Variants in CRACD observed in about 807,000 individuals in gnomAD.
CRACD encodes the protein capping protein-inhibiting regulator of actin dynamics.
In CRACD, 56 loss-of-function variants were observed where a neutral mutation model predicts 106.8. The ratio of observed to expected loss-of-function variants is 0.52; its 90% CI spans 0.42 to 0.66. The LOEUF (loss-of-function observed/expected upper bound fraction) is 0.66. Among genes scored for constraint, CRACD ranks in the 30% least tolerant of loss-of-function variants. The probability of loss-of-function intolerance (pLI) is 0.00; values close to 1 mark genes in which losing one functional copy is unlikely to be tolerated. For missense variants in CRACD, 1,730 were observed against 1,623.2 expected (o/e 1.07, Z -1.13); for synonymous variants, 754 against 670.8 (o/e 1.12, Z -1.92).
Position 56,316,660 on chromosome 4 carries a change from C to G in CRACD, c.3158C>G (p.Pro1053Arg), listed in dbSNP as rs1269348651. The change falls in exon 8 of 11, where the codon CCT (proline) becomes CGT (arginine). Residue 1053 changes from proline (P) to arginine (R), a missense_variant. Pro to Arg is a moderately radical substitution (Grantham distance 103). Around this residue, in one of 5 missense-constraint regions of CRACD, gnomAD observed 1,620 missense variants for 1,481.6 expected, o/e 1.09. Coordinates refer to ENST00000682029, the MANE Select transcript of CRACD (RefSeq NM_001393381.1). Reference sequence around the variant, plus strand: ...CTGCCTGCCACTCAGCAAGAGAAACCTTCTCAAACACCCGAGGCCGGGAGG... The same window carrying G: ...CTGCCTGCCACTCAGCAAGAGAAACGTTCTCAAACACCCGAGGCCGGGAGG... Reference protein sequence around the residue: ...PPLPATQQEKPSQTPEAGRKE... With the variant: ...PPLPATQQEKRSQTPEAGRKE... 1 of 1,608,096 alleles carries G rather than the reference C, an allele frequency of 6.2e-7. No homozygotes were observed. The highest frequency in any genetic ancestry group is 1.7e-5 in the Admixed American group (1 of 59,848).
At chr4:56,251,428 G>C (rs1250126564) in intron 2 of CRACD, among the ~76,000 whole-genome samples, 2 of 152,218 alleles carry the variant, frequency 1.3e-5, no homozygotes, top group African/African-American at 4.8e-5. Context: ...TGTCTGGTGT[G>C]TGCAGATTTT....
chr4:56,315,500 A>C lies in CRACD; in HGVS notation c.1998A>C (p.Ala666=). 1 of 1,613,588 alleles carries C rather than the reference A, an allele frequency of 6.2e-7. No homozygotes were observed. Among genetic ancestry groups the C allele is most frequent in the Non-Finnish European group, 8.5e-7 (1 of 1,179,892 alleles). Residue 666 remains alanine (A), a synonymous_variant, in exon 8 of 11, where the codon GCA becomes GCC. Coordinates refer to ENST00000682029, the MANE Select transcript of CRACD (RefSeq NM_001393381.1). The surrounding 1 kb of genome is among the most constrained non-coding windows in gnomAD (Gnocchi z 4.1). ...CTCCCAGCAGCGCGTCCGCACTCGC[A>C]GAATGGGCTTCCATTCGGTCCAGAA... ...QESPSSASAL[A]EWASIRSRIL...
chr4:56,165,506 C>G (rs193064707), intron 1 of CRACD, among the ~76,000 whole-genome samples: 4 of 152,300 alleles, frequency 2.6e-5, no homozygotes, highest in Admixed American at 1.3e-4. Context: ...CAGGGACACA[C>G]AGTTAGTATG....
chr4:56,052,785 AGCCT>A (rs200229982), intron 1 of CRACD, among the ~76,000 whole-genome samples: 3,567 of 152,292 alleles, frequency 0.023, 63 homozygotes, highest in Admixed American at 0.058. Context: ...CTGATCCCAA[AGCCT>A]GTCTGCCCTC....
At chr4:56,136,818 T>C (rs758941959) in intron 1 of CRACD, among the ~76,000 whole-genome samples, 16 of 152,242 alleles carry the variant, frequency 1.1e-4, no homozygotes, top group Non-Finnish European at 2.4e-4. Flanking sequence ...TATTAAGATA[T>C]ATTTGCCTAA....
At chr4:56,191,348 A>G (rs1369257933) in intron 2 of CRACD, among the ~76,000 whole-genome samples, 1 of 151,718 alleles carries the variant, frequency 6.6e-6, no homozygotes, top group Non-Finnish European at 1.5e-5. Context: ...CTTCAAAACC[A>G]GCTGCATAGC....
At chr4:56,180,403 C>T (rs560725380) in intron 2 of CRACD, among the ~76,000 whole-genome samples, 5 of 151,816 alleles carry the variant, frequency 3.3e-5, no homozygotes, top group Non-Finnish European at 5.9e-5. Context: ...GCAGGAGAAT[C>T]GCCTGAACCC....
chr4:56,144,451 G>A (rs903915667), intron 1 of CRACD, among the ~76,000 whole-genome samples: 2 of 152,138 alleles, frequency 1.3e-5, no homozygotes, highest in Non-Finnish European at 2.9e-5. Flanking sequence ...ACAGCGGTGA[G>A]AACGAGGATA....
intron 1 of CRACD, among the ~76,000 whole-genome samples, chr4:56,145,639 T>A (rs1201871408): frequency 6.6e-6 from 1 of 152,128 alleles, no homozygotes; most frequent in Non-Finnish European, 1.5e-5. Flanking sequence ...TGAAACAGGG[T>A]CTTACTTTGT....
intron 2 of CRACD, among the ~76,000 whole-genome samples, chr4:56,243,234 C>G (rs913289471): frequency 2.0e-5 from 3 of 152,200 alleles, no homozygotes; most frequent in East Asian, 1.9e-4. Context: ...TTCTCTCGCT[C>G]TCTTCAAGAG....
chr4:56,124,592 T>C (rs1734600848), intron 1 of CRACD, among the ~76,000 whole-genome samples: 1 of 152,248 alleles, frequency 6.6e-6, no homozygotes, highest in Non-Finnish European at 1.5e-5. Flanking sequence ...TTTTCTATTT[T>C]ATAGATGTCT....
chr4:56,294,251 GTTA>G (rs555844462), intron 3 of CRACD, among the ~76,000 whole-genome samples: 7 of 150,980 alleles, frequency 4.6e-5, no homozygotes, highest in Non-Finnish European at 8.8e-5. Flanking sequence ...CAGCAGTCAT[GTTA>G]TTATAATTGA....
Position 56,313,242 on chromosome 4 carries a change from G to C in CRACD, c.400G>C (p.Ala134Pro). 1 of 1,614,150 alleles carries C rather than the reference G, an allele frequency of 6.2e-7. No individual in the cohort carries two copies. The highest frequency in any genetic ancestry group is 8.5e-7 in the Non-Finnish European group (1 of 1,180,024). Residue 134 changes from alanine to proline, a missense_variant, in exon 7 of 11, where the codon GCT becomes CCT. Transcript: ENST00000682029. ...PSRPKRHFSS[A>P]GTIESVNLDA... ...TCGGCCAAAAAGGCACTTCTCTTCT[G>C]CTGGCACCATCGAAAGTGTCAACTT... is the stretch of plus-strand genomic sequence containing the variant.
At chr4:56,313,047 A>C in intron 6 of CRACD, 150 bp from the exon 7 acceptor site, 1 of 687,864 alleles carries the variant, frequency 1.5e-6, no homozygotes, top group South Asian at 1.8e-5. Context: ...ACGGGTGTTC[A>C]TTTCATTTTC....
chr4:56,076,220 A>T (rs1468646195), intron 1 of CRACD, among the ~76,000 whole-genome samples: 1 of 152,208 alleles, frequency 6.6e-6, no homozygotes, highest in African/African-American at 2.4e-5. Flanking sequence ...AAAGGGAGCC[A>T]TGCCTAGTAG....
At position 56,060,151 on chromosome 4, in the gene CRACD, G is replaced by A. The variant is rs567965491; in HGVS notation, c.-336+10852G>A. The stretch of plus-strand genomic sequence containing the variant: ...TCAGATTTTGTTCCTTTGGGTCATC[G>A]GTGCAGTCAGTTAGGATGTTGGGAG... On this transcript the variant is annotated intron_variant, in intron 1 of 10. Transcript: ENST00000682029. Among the ~76,000 whole-genome samples, 12 of 152,248 alleles carry A rather than the reference G, an allele frequency of 7.9e-5. No homozygotes were observed. In the South Asian group the frequency reaches 1.0e-3, roughly 13 times the overall value.
chr4:56,232,328 C>A (rs1269279661), intron 2 of CRACD, among the ~76,000 whole-genome samples: 2 of 152,116 alleles, frequency 1.3e-5, no homozygotes, highest in Non-Finnish European at 2.9e-5. Flanking sequence ...CTTTTTATTG[C>A]CAAGTTAATT....
intron 4 of CRACD, among the ~76,000 whole-genome samples, 193 bp from the exon 5 acceptor site, chr4:56,307,342 A>G (rs4864576): frequency 0.25 from 38,041 of 152,048 alleles, 5,042 homozygotes; most frequent in Admixed American, 0.37. Flanking sequence ...AAAAAAAAAG[A>G]AAAGAGAAGA....
intron 1 of CRACD, among the ~76,000 whole-genome samples, chr4:56,143,537 A>G (rs1434192831): frequency 6.6e-6 from 1 of 152,018 alleles, no homozygotes; most frequent in Non-Finnish European, 1.5e-5. Context: ...TCTATTTTAC[A>G]TTTTTGATGA....
Sources: gnomAD v4.1 joint callset for allele counts (sites outside exome capture counted in the v4.1 genomes callset) on GRCh38, gnomAD v4.1.1 for gene constraint, gnomAD v4.1.1 regional missense constraint, Gnocchi (gnomAD v3.1) non-coding constraint, MANE v1.5 for transcripts, NCBI Gene and HGNC (gene_info 2026-07-23, HGNC 2026-07-21) for gene names.